Variants in TMEM132B observed in about 807,000 individuals in gnomAD.
TMEM132B encodes the protein transmembrane protein 132B.
Under a neutral mutation model 90.8 loss-of-function variants are expected in TMEM132B, and 18 were observed. The ratio of observed to expected loss-of-function variants is 0.20; its 90% CI spans 0.14 to 0.29. TMEM132B has a LOEUF of 0.29. TMEM132B is among the 10% of genes least tolerant of loss of function. The pLI is 1.00. For missense variants in TMEM132B, 1,096 were observed against 1,326.8 expected, an observed-to-expected ratio of 0.83 and a Z score of 2.70; for synonymous variants, 504 against 523.3, an observed-to-expected ratio of 0.96 and a Z score of 0.50.
intron 3 of TMEM132B, among the ~76,000 whole-genome samples, chr12:125,477,514 T>C (rs1246584090): frequency 2.1e-5 from 3 of 144,136 alleles, no homozygotes; most frequent in Non-Finnish European, 1.5e-5. Context: ...GTAATTTTTT[T>C]CCCCAAGAAC....
At chr12:125,535,834 G>A (rs1287554229) in intron 4 of TMEM132B, among the ~76,000 whole-genome samples, 1 of 152,176 alleles carries the variant, frequency 6.6e-6, no homozygotes, top group East Asian at 1.9e-4. Context: ...TGCAGGAGAG[G>A]GGAGCTTGCA....
intron 5 of TMEM132B, among the ~76,000 whole-genome samples, chr12:125,607,188 A>AT: frequency 6.6e-6 from 1 of 152,182 alleles, no homozygotes; most frequent in Non-Finnish European, 1.5e-5. Context: ...AGAGACAAAC[A>AT]TTTTTAGTGT....
At chr12:125,432,125 T>A (rs375982779) in intron 3 of TMEM132B, among the ~76,000 whole-genome samples, 5 of 151,920 alleles carry the variant, frequency 3.3e-5, no homozygotes, top group South Asian at 2.1e-4. Context: ...TTGTATGCGC[T>A]GTTTGGGGAA....
intron 3 of TMEM132B, among the ~76,000 whole-genome samples, chr12:125,433,523 C>T (rs200547144): frequency 7.5e-4 from 108 of 143,962 alleles, no homozygotes; most frequent in Middle Eastern, 3.6e-3. Flanking sequence ...TTTTTTTTGT[C>T]TTTTTTTTTA....
rs1382941627 is a variant in TMEM132B at position 125,406,208 on chromosome 12, C to T, written c.960-9323C>T. On this transcript the variant is annotated intron_variant, in intron 2 of 8. Transcript: ENST00000682704. This position sits in a 1 kb window ranked among gnomAD's most constrained non-coding sequence, Gnocchi z 8.3. ...CAGGAATCTTCTTTATCTCCTCTGG[C>T]TAAAGCAGAATGCAAAACTTCCCTT... Among the ~76,000 whole-genome samples, 1 of 152,192 alleles carries T rather than the reference C, an allele frequency of 6.6e-6. No individual in the cohort carries two copies. Among genetic ancestry groups the T allele is most frequent in the Non-Finnish European group, 1.5e-5 (1 of 68,028 alleles).
At chr12:125,581,924 C>T (rs76353535) in intron 4 of TMEM132B, among the ~76,000 whole-genome samples, 2,932 of 152,158 alleles carry the variant, frequency 0.019, 93 homozygotes, top group African/African-American at 0.066. Flanking sequence ...TTAAGCTCCC[C>T]GGGCAGAGGG....
At chr12:125,613,220 A>G (rs1468178217) in intron 5 of TMEM132B, among the ~76,000 whole-genome samples, 1 of 124,538 alleles carries the variant, frequency 8.0e-6, no homozygotes, top group Non-Finnish European at 1.7e-5. Flanking sequence ...TACACCCACT[A>G]TATTATATAT....
chr12:125,553,039 G>A (rs904800925), intron 4 of TMEM132B, among the ~76,000 whole-genome samples: 2 of 152,214 alleles, frequency 1.3e-5, no homozygotes, highest in African/African-American at 2.4e-5. Flanking sequence ...TCACATTCTC[G>A]ACATTGTAGA....
At chr12:125,405,875 C>T (rs2136329071) in intron 2 of TMEM132B, among the ~76,000 whole-genome samples, 1 of 152,276 alleles carries the variant, frequency 6.6e-6, no homozygotes, top group African/African-American at 2.4e-5. Context: ...TATTATAATC[C>T]ACAAATATTC....
At chr12:125,313,197 A>T (rs1876162898) in intron 1 of TMEM132B, among the ~76,000 whole-genome samples, 1 of 152,154 alleles carries the variant, frequency 6.6e-6, no homozygotes. Flanking sequence ...GCTCGTGATG[A>T]TGAGTAAGTG....
At chr12:125,446,125 A>G (rs1047819834) in intron 3 of TMEM132B, among the ~76,000 whole-genome samples, 37 of 152,332 alleles carry the variant, frequency 2.4e-4, no homozygotes, top group African/African-American at 8.7e-4. Context: ...TTATCTTGAT[A>G]AGTTCTTCCC....
chr12:125,365,600 T>C (rs1878106279), intron 2 of TMEM132B, among the ~76,000 whole-genome samples: 1 of 152,126 alleles, frequency 6.6e-6, no homozygotes, highest in African/African-American at 2.4e-5. Context: ...TTACTGGCAA[T>C]AAATTCCTTT....
intron 4 of TMEM132B, among the ~76,000 whole-genome samples, chr12:125,578,003 T>G (rs1439193865): frequency 2.0e-5 from 3 of 152,148 alleles, no homozygotes; most frequent in Non-Finnish European, 2.9e-5. Context: ...TTGTTGAGAC[T>G]TGTTTAATGG....
intron 1 of TMEM132B, among the ~76,000 whole-genome samples, chr12:125,256,176 C>T (rs1035069941): frequency 2.5e-4 from 38 of 152,260 alleles, no homozygotes; most frequent in African/African-American, 7.7e-4. Context: ...TTCAGGAATC[C>T]GCTGCACTTT....
At position 125,492,453 on chromosome 12, in the gene TMEM132B, G is replaced by C. The variant is rs1457177702; in HGVS notation, c.1107-26986G>C. 6.6e-6 allele frequency among the ~76,000 whole-genome samples: 1 copy of C among 152,104 alleles called. No homozygotes were observed. Among genetic ancestry groups the C allele is most frequent in the African/African-American group, 2.4e-5 (1 of 41,410 alleles). On this transcript the variant is annotated intron_variant, in intron 3 of 8. Coordinates refer to ENST00000682704, the MANE Select transcript of TMEM132B (RefSeq NM_001366854.1). The surrounding 1 kb of genome is among the most constrained non-coding windows in gnomAD (Gnocchi z 5.8). The stretch of plus-strand genomic sequence containing the variant: ...AGGGGACTGCACGGCTGCTTTGCAG[G>C]GGCCCCGACTGCTCCTTCCTGGGAT...
intron 3 of TMEM132B, among the ~76,000 whole-genome samples, chr12:125,517,010 G>A (rs148137860): frequency 1.3e-5 from 2 of 152,178 alleles, no homozygotes; most frequent in East Asian, 3.9e-4. Flanking sequence ...TGAAAACTGA[G>A]CTGAAAGCTC....
intron 1 of TMEM132B, among the ~76,000 whole-genome samples, chr12:125,238,440 G>A (rs1873991832): frequency 6.6e-6 from 1 of 150,798 alleles, no homozygotes; most frequent in Non-Finnish European, 1.5e-5. Flanking sequence ...TCTGCTGCGT[G>A]TAATTTGGTT....
At chr12:125,579,430 C>T (rs943696345) in intron 4 of TMEM132B, among the ~76,000 whole-genome samples, 8 of 151,286 alleles carry the variant, frequency 5.3e-5, no homozygotes, top group South Asian at 2.1e-4. Flanking sequence ...AGCATGATCT[C>T]GGCTCACTGC....
chr12:125,346,360 C>T (rs1299507433), intron 1 of TMEM132B, among the ~76,000 whole-genome samples: 1 of 152,126 alleles, frequency 6.6e-6, no homozygotes, highest in Non-Finnish European at 1.5e-5. Context: ...AGAATTTAAG[C>T]CTTATGTTGG....
Sources: allele counts gnomAD v4.1 joint callset (sites outside exome capture counted in the v4.1 genomes callset), GRCh38; gene constraint gnomAD v4.1.1; non-coding constraint Gnocchi (gnomAD v3.1); transcripts MANE v1.5; gene names NCBI Gene and HGNC (gene_info 2026-07-23, HGNC 2026-07-21).